THEMIS: variants seen among roughly 807,000 people sequenced by gnomAD.
THEMIS encodes thymocyte selection associated.
In THEMIS, 37 loss-of-function variants were observed where a neutral mutation model predicts 52.6. That is an observed-to-expected ratio of 0.70 (90% CI 0.54 to 0.93). The LOEUF (loss-of-function observed/expected upper bound fraction) is 0.93, where lower values mean the gene tolerates loss of function less well. Among genes scored for constraint, THEMIS ranks in the 40% least tolerant of loss-of-function variants. THEMIS has a pLI of 0.00. For synonymous variants in THEMIS, 292 were observed against 272.7 expected (o/e 1.07, Z -0.70); for missense variants, 808 against 763.1 (o/e 1.06, Z -0.69).
At chr6:127,793,884 C>A (rs761069323) in intron 4 of THEMIS, among the ~76,000 whole-genome samples, 3 of 152,118 alleles carry the variant, frequency 2.0e-5, no homozygotes, top group Non-Finnish European at 4.4e-5. Context: ...AGAGCCAGGG[C>A]GAGAACCATA....
chr6:127,752,969 T>C (rs1162316037), intron 4 of THEMIS, among the ~76,000 whole-genome samples: 1 of 151,822 alleles, frequency 6.6e-6, no homozygotes, highest in Non-Finnish European at 1.5e-5. Context: ...AATCATTCAC[T>C]ATGAGCAAGA....
At chr6:127,862,428 A>ATTT (rs71028110) in intron 1 of THEMIS, among the ~76,000 whole-genome samples, 1,996 of 72,734 alleles carry the variant, frequency 0.027, 234 homozygotes, top group African/African-American at 0.09. Context: ...TAGGGAGTAA[A>ATTT]TTTTTTTTTT....
intron 5 of THEMIS, among the ~76,000 whole-genome samples, chr6:127,713,521 T>C (rs763056655): frequency 2.6e-5 from 4 of 151,716 alleles, no homozygotes; most frequent in Non-Finnish European, 4.4e-5. Context: ...TTATGTGGAG[T>C]AGGTGACCAA....
chr6:127,710,038 T>A (rs17300001), intron 5 of THEMIS, 22 bp from the exon 6 acceptor site: 86,340 of 1,510,046 alleles, frequency 0.057, 2,839 homozygotes, highest in Non-Finnish European at 0.066. Flanking sequence ...AAAAGAAGGG[T>A]TTATCAGAAA....
intron 1 of THEMIS, among the ~76,000 whole-genome samples, chr6:127,875,196 T>C (rs1003653719): frequency 1.3e-5 from 2 of 152,246 alleles, no homozygotes; most frequent in South Asian, 2.1e-4. Flanking sequence ...GAGTAAAAGA[T>C]ACATGGGATC....
At chr6:127,762,682 A>T (rs1384642737) in intron 4 of THEMIS, among the ~76,000 whole-genome samples, 4 of 151,734 alleles carry the variant, frequency 2.6e-5, no homozygotes, top group Non-Finnish European at 5.9e-5. Context: ...AATTAATTAA[A>T]ATAACTGTCA....
At chr6:127,795,323 G>GTAT (rs1047784582) in intron 4 of THEMIS, among the ~76,000 whole-genome samples, 109 of 152,010 alleles carry the variant, frequency 7.2e-4, no homozygotes, top group Middle Eastern at 3.4e-3. Context: ...CACCAGATTT[G>GTAT]TATTATTATT....
chr6:127,767,227 G>T (rs1383024090), intron 4 of THEMIS, among the ~76,000 whole-genome samples: 1 of 151,858 alleles, frequency 6.6e-6, no homozygotes, highest in East Asian at 1.9e-4. Context: ...AAGTAGCTGG[G>T]ATTACAAATG....
chr6:127,768,537 C>T (rs1324084342), intron 4 of THEMIS, among the ~76,000 whole-genome samples: 2 of 152,028 alleles, frequency 1.3e-5, no homozygotes, highest in Non-Finnish European at 2.9e-5. Flanking sequence ...AATATGTATG[C>T]CTTTTCCTCC....
chr6:127,894,720 A>G lies in THEMIS; in HGVS notation c.91+6122T>C, dbSNP rs189484171. Among the ~76,000 whole-genome samples, 5 of 151,772 alleles carry G rather than the reference A, an allele frequency of 3.3e-5. No individual in the cohort carries two copies. In the East Asian group the frequency reaches 9.7e-4, roughly 29 times the overall value. On this transcript the variant is annotated intron_variant, in intron 1 of 5. Coordinates refer to ENST00000368248, the MANE Select transcript of THEMIS (RefSeq NM_001010923.3). ...TCTAGCTTCTTTTCAAAAAAATTCC[A>G]TGTTTAGTAGGTCATCCAGGAGCAC...
At chr6:127,774,687 G>A (rs575544651) in intron 4 of THEMIS, among the ~76,000 whole-genome samples, 9 of 152,146 alleles carry the variant, frequency 5.9e-5, no homozygotes, top group Non-Finnish European at 1.0e-4. Flanking sequence ...TAGTCCGCTA[G>A]CCAAGGATGA....
At chr6:127,907,156 T>C (rs1781291798) in intron 1 of THEMIS, among the ~76,000 whole-genome samples, 1 of 151,866 alleles carries the variant, frequency 6.6e-6, no homozygotes, top group Non-Finnish European at 1.5e-5. Flanking sequence ...CTCTGAAACT[T>C]TCTTTTCATT....
intron 1 of THEMIS, among the ~76,000 whole-genome samples, chr6:127,870,619 G>T (rs1239950446): frequency 6.6e-6 from 1 of 152,046 alleles, no homozygotes; most frequent in Non-Finnish European, 1.5e-5. Context: ...GAAATAGGTA[G>T]ATTGAAAGAA....
At chr6:127,896,939 A>AATT (rs1464803218) in intron 1 of THEMIS, among the ~76,000 whole-genome samples, 30 of 151,638 alleles carry the variant, frequency 2.0e-4, no homozygotes, top group Middle Eastern at 6.8e-3. Flanking sequence ...ACATTATTTA[A>AATT]GACAGGAAAA....
Position 127,767,587 on chromosome 6 carries a change from G to GA in THEMIS, c.1758+45295dup, listed in dbSNP as rs559605420. ...ACTGGACTTCAGGGGTAGTGCACAT[G>GA]AAGTTGTCAACTCCTTTGGTAACAA... On this transcript the variant is annotated intron_variant, in intron 4 of 5. Transcript: ENST00000368248. Among the ~76,000 whole-genome samples, 21 of 152,258 alleles carry GA rather than the reference G, an allele frequency of 1.4e-4. No homozygotes were observed. The East Asian group carries it at 3.3e-3, about 24-fold the overall frequency.
At chr6:127,740,294 G>C (rs1285327017) in intron 4 of THEMIS, among the ~76,000 whole-genome samples, 1 of 152,120 alleles carries the variant, frequency 6.6e-6, no homozygotes, top group Non-Finnish European at 1.5e-5. Context: ...CATGAAGCAG[G>C]ACTCAAGATA....
At chr6:127,703,767 AG>A (rs1425620763), downstream of THEMIS, among the ~76,000 whole-genome samples, 2 of 152,232 alleles carry the variant, frequency 1.3e-5, no homozygotes, top group Admixed American at 1.3e-4. Flanking sequence ...GAGCTAAGGA[AG>A]CTAGGATATC....
chr6:127,900,021 C>T (rs1305167269), intron 1 of THEMIS, among the ~76,000 whole-genome samples: 2 of 151,018 alleles, frequency 1.3e-5, no homozygotes, highest in African/African-American at 4.9e-5. Context: ...GAAAGACCTG[C>T]CTACCAACAG....
intron 4 of THEMIS, among the ~76,000 whole-genome samples, chr6:127,730,870 G>C (rs953731843): frequency 6.6e-6 from 1 of 152,100 alleles, no homozygotes; most frequent in African/African-American, 2.4e-5. Flanking sequence ...TCCTGGATGA[G>C]GTAGGCAAAT....
Sources: gnomAD v4.1 joint callset for allele counts (sites outside exome capture counted in the v4.1 genomes callset) on GRCh38, gnomAD v4.1.1 for gene constraint, MANE v1.5 for transcripts, NCBI Gene and HGNC (gene_info 2026-07-23, HGNC 2026-07-21) for gene names.